The following CTTNBP2 variants were observed in gnomAD, a reference collection of about 807,000 sequenced individuals.
CTTNBP2 encodes the protein cortactin binding protein 2.
CTTNBP2 carries 108 observed loss-of-function variants against 156.9 expected under a neutral mutation model. The ratio of observed to expected loss-of-function variants is 0.69; its 90% CI spans 0.59 to 0.81. The LOEUF is 0.81. Among genes scored for constraint, CTTNBP2 ranks in the 30% least tolerant of loss-of-function variants. CTTNBP2 has a pLI of 0.00. For synonymous variants in CTTNBP2, 767 were observed against 751.8 expected, an observed-to-expected ratio of 1.02 and a Z score of -0.33; for missense variants, 1,924 against 2,035.4, an observed-to-expected ratio of 0.95 and a Z score of 1.05.
chr7:117,811,035 T>C, intron 2 of CTTNBP2, 46 bp from the exon 3 acceptor site: 2 of 1,374,870 alleles, frequency 1.5e-6, no homozygotes, highest in South Asian at 1.2e-5. Context: ...AATGAAAATA[T>C]ACAGAAAGAT....
At chr7:117,747,149 C>A (rs1796373642) in intron 12 of CTTNBP2, among the ~76,000 whole-genome samples, 1 of 152,184 alleles carries the variant, frequency 6.6e-6, no homozygotes, top group South Asian at 2.1e-4. Context: ...CTAACTGATA[C>A]AGTTGATATT....
chr7:117,872,558 G>A (rs181114176), intron 1 of CTTNBP2, among the ~76,000 whole-genome samples: 1 of 152,084 alleles, frequency 6.6e-6, no homozygotes, highest in Non-Finnish European at 1.5e-5. Flanking sequence ...ATATTAAGGG[G>A]GTGAAAGTAA....
chr7:117,869,411 A>G (rs1804427180), intron 1 of CTTNBP2, among the ~76,000 whole-genome samples: 1 of 152,118 alleles, frequency 6.6e-6, no homozygotes, highest in African/African-American at 2.4e-5. Flanking sequence ...TCATTCAGTA[A>G]ATATTTGTGG....
rs976265888 is a variant in CTTNBP2 at position 117,735,418 on chromosome 7, C to G, written c.3539G>C (p.Cys1180Ser). The G allele has an allele frequency of 2.5e-6, 4 of 1,600,996 alleles. No individual in the cohort carries two copies. Among genetic ancestry groups the G allele is most frequent in the Non-Finnish European group, 3.4e-6 (4 of 1,176,882 alleles). ...GGGAGATTGTTTCACTGGGATCAGA[C>G]AAGCTATAATAAAAAAGGAAATTCA... ...QLLDLFISSA[C>S]LIPVKQSPSK... Residue 1180 changes from cysteine to serine, a missense_variant, in exon 15 of 23, where the codon TGT (cysteine) becomes TCT (serine). Physicochemically the swap from Cys to Ser is moderately radical, Grantham distance 112. Coordinates refer to ENST00000160373, the MANE Select transcript of CTTNBP2 (RefSeq NM_033427.3).
At chr7:117,761,380 A>C (rs185204037) in intron 9 of CTTNBP2, among the ~76,000 whole-genome samples, 60 of 152,298 alleles carry the variant, frequency 3.9e-4, no homozygotes, top group African/African-American at 1.4e-3. Flanking sequence ...GTTCTTTCCA[A>C]TTTCTCCGAC....
At chr7:117,714,154 GCT>G (rs1346066548) in intron 22 of CTTNBP2, 1 of 152,194 alleles carries the variant, frequency 6.6e-6, no homozygotes, top group African/African-American at 2.4e-5. Context: ...AGTATGTTCT[GCT>G]TTTGTTTTGT....
At chr7:117,748,431 A>G (rs1373623194) in intron 12 of CTTNBP2, among the ~76,000 whole-genome samples, 1 of 152,192 alleles carries the variant, frequency 6.6e-6, no homozygotes, top group Non-Finnish European at 1.5e-5. Flanking sequence ...CTCTTTAACT[A>G]TAATGAACAC....
At chr7:117,845,327 C>T (rs1802520829) in intron 2 of CTTNBP2, among the ~76,000 whole-genome samples, 1 of 152,116 alleles carries the variant, frequency 6.6e-6, no homozygotes, top group South Asian at 2.1e-4. Flanking sequence ...TGTTCACTCA[C>T]AATATATTAA....
rs1554436475 is a variant in CTTNBP2, at chr7:117,814,247, C to CCT, written c.190-3259_190-3258insAG. Among the ~76,000 whole-genome samples the CCT allele has an allele frequency of 6.3e-4, 93 of 148,416 alleles. 1 individual carries two copies. Among genetic ancestry groups the CCT allele is most frequent in the African/African-American group, 2.2e-3 (89 of 40,632 alleles). Reference sequence around the variant, plus strand: ...TTTTATGGTCAAAAAGCATTTAATTCTTTTTTTTTTTCTTACTGGTGTGAA... The same window carrying CCT: ...TTTTATGGTCAAAAAGCATTTAATTCCTTTTTTTTTTTTCTTACTGGTGTGAA... On this transcript the variant is annotated intron_variant, in intron 2 of 22. Transcript: ENST00000160373.
In CTTNBP2 at chr7:117,733,142, G is replaced by A. The variant is rs1795497442; in HGVS notation, c.3876+1771C>T. ...GATCAATTGCCAGTGTGCTTTAAGTGCCCACAAAGATTAGGTTCTGTGACA... is the reference window on the plus strand; with the variant it reads ...GATCAATTGCCAGTGTGCTTTAAGTACCCACAAAGATTAGGTTCTGTGACA... On this transcript the variant is annotated intron_variant, in intron 16 of 22. Coordinates refer to ENST00000160373, the MANE Select transcript of CTTNBP2 (RefSeq NM_033427.3). Among the ~76,000 whole-genome samples the A allele has an allele frequency of 2.6e-5, 4 of 152,122 alleles. No individual in the cohort carries two copies. In the South Asian group the frequency reaches 6.2e-4, roughly 24 times the overall value.
chr7:117,804,477 T>A (rs1295371283), intron 3 of CTTNBP2, among the ~76,000 whole-genome samples: 1 of 152,170 alleles, frequency 6.6e-6, no homozygotes, highest in Non-Finnish European at 1.5e-5. Context: ...TATTATAAAT[T>A]TCATATATGA....
Position 117,780,451 on chromosome 7 carries a change from AC to A in CTTNBP2, c.2512del (p.Val838Ter). 1 of 1,570,382 alleles carries A rather than the reference AC, an allele frequency of 6.4e-7. No homozygotes were observed. The highest frequency in any genetic ancestry group is 8.6e-7 in the Non-Finnish European group (1 of 1,162,942). On this transcript the variant is annotated frameshift_variant, in exon 7 of 23. Transcript: ENST00000160373. LOFTEE classifies it high-confidence loss of function. ...LLLEAGTNRS[V>X]KTTDGWTPVH... ...CAGACTGCTACTCACTGTGGTTTTT[AC>A]ACTTCGATTGGTTCCAGCTTCCAAC...
intron 2 of CTTNBP2, among the ~76,000 whole-genome samples, chr7:117,835,853 A>G (rs563711705): frequency 1.3e-5 from 2 of 152,260 alleles, no homozygotes; most frequent in East Asian, 3.9e-4. Flanking sequence ...TAGCTCTGTG[A>G]TCTCTGCCAA....
intron 1 of CTTNBP2, among the ~76,000 whole-genome samples, chr7:117,864,725 C>G (rs1468358889): frequency 1.2e-4 from 11 of 91,026 alleles, no homozygotes; most frequent in Non-Finnish European, 2.0e-4. Flanking sequence ...TTCATATATA[C>G]ATATATTCAT....
rs760203993 is a variant in CTTNBP2, at chr7:117,725,074, A to G, written c.4239T>C (p.His1413=). ...LSILLNKAVL[H]GCPLPRAELD... ...TACCTGCTCTGGGGAGGGGACAGCC[A>G]TGCAGTACAGCTTTATTTAGCAAGA... Residue 1413 remains histidine (H), a synonymous_variant, in exon 18 of 23, where the codon CAT becomes CAC. Coordinates refer to ENST00000160373, the MANE Select transcript of CTTNBP2 (RefSeq NM_033427.3). 21 of 1,612,586 alleles carry G rather than the reference A, an allele frequency of 1.3e-5. No individual in the cohort carries two copies. The Admixed American group carries it at 3.2e-4, about 24-fold the overall frequency.
At chr7:117,745,390 G>C (rs1039339614) in intron 14 of CTTNBP2, among the ~76,000 whole-genome samples, 1 of 152,190 alleles carries the variant, frequency 6.6e-6, no homozygotes, top group African/African-American at 2.4e-5. Context: ...GGTAGAGAAA[G>C]TGGTTGGCCC....
intron 3 of CTTNBP2, among the ~76,000 whole-genome samples, chr7:117,797,638 T>G (rs1483551512): frequency 6.6e-6 from 1 of 152,078 alleles, no homozygotes; most frequent in African/African-American, 2.4e-5. Context: ...ACAGAACTGA[T>G]AAGTGTAATA....
At chr7:117,767,224 T>A (rs1797533989) in intron 8 of CTTNBP2, 48 bp from the exon 9 acceptor site, 4 of 1,048,852 alleles carry the variant, frequency 3.8e-6, no homozygotes, top group Non-Finnish European at 6.0e-6. Context: ...TGAATTAACT[T>A]GAATGCAAAA....
intron 1 of CTTNBP2, among the ~76,000 whole-genome samples, chr7:117,870,844 C>T (rs984361536): frequency 2.0e-5 from 3 of 152,104 alleles, no homozygotes; most frequent in Admixed American, 6.6e-5. Flanking sequence ...TAGCTGTTAC[C>T]CAGCCTTAAA....
Sources: allele counts gnomAD v4.1 joint callset (sites outside exome capture counted in the v4.1 genomes callset), GRCh38; gene constraint gnomAD v4.1.1; transcripts MANE v1.5; gene names NCBI Gene and HGNC (gene_info 2026-07-23, HGNC 2026-07-21).